ZMAT4: variants seen among roughly 807,000 people sequenced by gnomAD.
The protein encoded by ZMAT4 is zinc finger matrin-type 4.
In ZMAT4, 17 loss-of-function variants were observed where a neutral mutation model predicts 28.7. That is an observed-to-expected ratio of 0.59 (90% CI 0.41 to 0.89). The LOEUF is 0.89. Among genes scored for constraint, ZMAT4 ranks in the 40% least tolerant of loss-of-function variants. ZMAT4 has a pLI of 0.00. For synonymous variants in ZMAT4, 117 were observed against 109.2 expected (o/e 1.07, Z -0.44); for missense variants, 240 against 283.8 (o/e 0.85, Z 1.11).
chr8:40,668,892 T>A (rs1348523961), intron 5 of ZMAT4, among the ~76,000 whole-genome samples: 2 of 149,736 alleles, frequency 1.3e-5, no homozygotes, highest in African/African-American at 4.9e-5. Context: ...TTTTTTTTTT[T>A]ATATTGGACA....
At chr8:40,651,587 C>A (rs1240691964) in intron 5 of ZMAT4, among the ~76,000 whole-genome samples, 6 of 148,028 alleles carry the variant, frequency 4.1e-5, no homozygotes, top group Non-Finnish European at 7.5e-5. Flanking sequence ...CTTTAAAGTT[C>A]ATATGGAACC....
chr8:40,714,001 A>T (rs1810743398), intron 3 of ZMAT4, among the ~76,000 whole-genome samples: 1 of 151,962 alleles, frequency 6.6e-6, no homozygotes, highest in Non-Finnish European at 1.5e-5. Context: ...AAAAAATATA[A>T]AAAAGATCAA....
intron 2 of ZMAT4, among the ~76,000 whole-genome samples, chr8:40,782,724 C>T (rs577506055): frequency 2.7e-4 from 41 of 152,080 alleles, no homozygotes; most frequent in African/African-American, 8.9e-4. Flanking sequence ...AGTCAAGGTG[C>T]GAGTTGTGAG....
intron 3 of ZMAT4, among the ~76,000 whole-genome samples, chr8:40,699,348 C>A (rs1229794125): frequency 3.3e-5 from 5 of 152,188 alleles, no homozygotes; most frequent in South Asian, 2.1e-4. Context: ...GATACAAGTG[C>A]AGTTTTGTGA....
chr8:40,575,168 G>A (rs541897226), intron 6 of ZMAT4, among the ~76,000 whole-genome samples: 1 of 152,100 alleles, frequency 6.6e-6, no homozygotes, highest in South Asian at 2.1e-4. Flanking sequence ...ACCCCAGGCT[G>A]TCCAAGCCAA....
At chr8:40,649,222 G>A (rs1423894621) in intron 5 of ZMAT4, among the ~76,000 whole-genome samples, 1 of 152,104 alleles carries the variant, frequency 6.6e-6, no homozygotes, top group Non-Finnish European at 1.5e-5. Context: ...ATAAAGGGAT[G>A]GAGGAAGATC....
chr8:40,600,353 C>T (rs559018124), intron 5 of ZMAT4, among the ~76,000 whole-genome samples: 5 of 152,304 alleles, frequency 3.3e-5, no homozygotes, highest in African/African-American at 9.6e-5. Flanking sequence ...TTATTCTGAC[C>T]TCCATTCTGG....
At chr8:40,819,206 T>A (rs1443019188) in intron 2 of ZMAT4, among the ~76,000 whole-genome samples, 2 of 152,144 alleles carry the variant, frequency 1.3e-5, no homozygotes, top group Admixed American at 6.5e-5. Context: ...TACTAGATTC[T>A]GCCATTCCCA....
At chr8:40,585,326 A>G (rs1804630702) in intron 5 of ZMAT4, among the ~76,000 whole-genome samples, 1 of 152,120 alleles carries the variant, frequency 6.6e-6, no homozygotes, top group South Asian at 2.1e-4. Context: ...ACAAATCTTG[A>G]AACCTATTTT....
intron 2 of ZMAT4, among the ~76,000 whole-genome samples, chr8:40,784,587 T>C (rs1334856042): frequency 3.3e-5 from 5 of 152,090 alleles, no homozygotes; most frequent in African/African-American, 1.2e-4. Context: ...GATCTAAGAA[T>C]AGGAAGGGAA....
rs928701175 is a variant in ZMAT4, at chr8:40,565,094, A to G, written c.674+16071T>C. Among the ~76,000 whole-genome samples the G allele has an allele frequency of 5.3e-5, 8 of 152,186 alleles. 1 individual carries two copies. Among genetic ancestry groups the G allele is most frequent in the Admixed American group, 4.6e-4 (7 of 15,276 alleles). On this transcript the variant is annotated intron_variant, in intron 6 of 6. Transcript: ENST00000297737. ...AAGTAATTTTCAACAGAGATTGGACAGATTGATGTCTCTAATCATCATTCT... is the reference window on the plus strand; with the variant it reads ...AAGTAATTTTCAACAGAGATTGGACGGATTGATGTCTCTAATCATCATTCT...
intron 3 of ZMAT4, among the ~76,000 whole-genome samples, chr8:40,708,502 C>T (rs1810459098): frequency 6.6e-6 from 1 of 151,988 alleles, no homozygotes; most frequent in South Asian, 2.1e-4. Flanking sequence ...GGAGCTAATA[C>T]ACTTCCGTAA....
At position 40,897,338 on chromosome 8, in the gene ZMAT4, G is replaced by T. The variant is rs543529589; in HGVS notation, c.-5+345C>A. Among the ~76,000 whole-genome samples the T allele has an allele frequency of 1.4e-3, 213 of 152,226 alleles. 2 individuals carry two copies. Among genetic ancestry groups the T allele is most frequent in the African/African-American group, 4.9e-3 (205 of 41,528 alleles). On this transcript the variant is annotated intron_variant, in intron 1 of 6. Coordinates refer to ENST00000297737, the MANE Select transcript of ZMAT4 (RefSeq NM_024645.3). Reference sequence around the variant, plus strand: ...TTTCTCTCGGAACCAGCCTATCCATGATGGGTGCACCAGGAAACAGCACAC... The same window carrying T: ...TTTCTCTCGGAACCAGCCTATCCATTATGGGTGCACCAGGAAACAGCACAC...
intron 3 of ZMAT4, among the ~76,000 whole-genome samples, chr8:40,713,952 GA>G (rs956356015): frequency 7.8e-6 from 1 of 128,504 alleles, no homozygotes; most frequent in African/African-American, 2.9e-5. Flanking sequence ...AAAAGAAAAA[GA>G]AAAAAAGAAA....
At position 40,881,545 on chromosome 8, in the gene ZMAT4, A is replaced by AGAAAGAGAAG. The variant is rs1400349910; in HGVS notation, c.-5+16137_-5+16138insCTTCTCTTTC. On this transcript the variant is annotated intron_variant, in intron 1 of 6. Transcript: ENST00000297737. Reference sequence around the variant, plus strand: ...GAGAGAGACAGAAAGAAAGAAAGAAAGAAAGAAAGAAAGAAAGAAAGAAAG... The same window carrying AGAAAGAGAAG: ...GAGAGAGACAGAAAGAAAGAAAGAAAGAAAGAGAAGGAAAGAAAGAAAGAAAGAAAGAAAG... Among the ~76,000 whole-genome samples the AGAAAGAGAAG allele has an allele frequency of 4.6e-4, 31 of 66,876 alleles. 2 individuals are homozygous for AGAAAGAGAAG. Among genetic ancestry groups the AGAAAGAGAAG allele is most frequent in the Non-Finnish European group, 6.3e-5 (2 of 31,580 alleles). 43.9% of individuals were successfully genotyped at this position (66,876 alleles called of 152,430 possible).
chr8:40,700,445 T>C (rs936233479), intron 3 of ZMAT4, among the ~76,000 whole-genome samples: 12 of 127,520 alleles, frequency 9.4e-5, no homozygotes, highest in Non-Finnish European at 1.6e-4. Context: ...GGCTACAGAG[T>C]CTTGTTCTGT....
At chr8:40,820,373 T>C (rs900320033) in intron 2 of ZMAT4, among the ~76,000 whole-genome samples, 1 of 150,992 alleles carries the variant, frequency 6.6e-6, no homozygotes, top group Non-Finnish European at 1.5e-5. Flanking sequence ...TGTCTACGTG[T>C]GTGGGTGTGT....
chr8:40,609,134 A>G (rs1193003046), intron 5 of ZMAT4, among the ~76,000 whole-genome samples: 1 of 152,232 alleles, frequency 6.6e-6, no homozygotes, highest in Non-Finnish European at 1.5e-5. Context: ...AATACATTGC[A>G]GACCATACTT....
intron 3 of ZMAT4, among the ~76,000 whole-genome samples, chr8:40,734,789 T>C (rs4625023): frequency 0.23 from 35,413 of 152,062 alleles, 4,690 homozygotes; most frequent in East Asian, 0.56. Flanking sequence ...TGGAGGCCAA[T>C]CTTGAAAATC....
Sources: allele counts gnomAD v4.1 joint callset (sites outside exome capture counted in the v4.1 genomes callset), GRCh38; gene constraint gnomAD v4.1.1; transcripts MANE v1.5; gene names NCBI Gene and HGNC (gene_info 2026-07-23, HGNC 2026-07-21).